The following SGK3 variants were observed in gnomAD, a reference collection of about 807,000 sequenced individuals.
The protein encoded by SGK3 is serine/threonine-protein kinase Sgk3.
Under a neutral mutation model 68.5 loss-of-function variants are expected in SGK3, and 47 were observed. That is an observed-to-expected ratio of 0.69 (90% CI 0.54 to 0.87). The LOEUF (loss-of-function observed/expected upper bound fraction) is 0.87, where lower values mean the gene tolerates loss of function less well. Among genes scored for constraint, SGK3 ranks in the 40% least tolerant of loss-of-function variants. The pLI, the probability that SGK3 is intolerant of heterozygous loss-of-function variation, is 0.00. For synonymous variants in SGK3, 181 were observed against 189.1 expected, an observed-to-expected ratio of 0.96 and a Z score of 0.35; for missense variants, 479 against 575.5, an observed-to-expected ratio of 0.83 and a Z score of 1.72.
At chr8:66,722,343 C>T (rs534817077) in intron 1 of SGK3, among the ~76,000 whole-genome samples, 1 of 152,300 alleles carries the variant, frequency 6.6e-6, no homozygotes, top group Non-Finnish European at 1.5e-5. Flanking sequence ...AGTGCAGCGG[C>T]GCGATCTTGG....
chr8:66,736,405 T>C (rs1352838349), intron 1 of SGK3, among the ~76,000 whole-genome samples: 1 of 152,132 alleles, frequency 6.6e-6, no homozygotes, highest in African/African-American at 2.4e-5. Context: ...TATATGCAAA[T>C]ACTGTTTTAT....
chr8:66,753,858 CT>C (rs1805900635), intron 1 of SGK3, among the ~76,000 whole-genome samples: 1 of 152,134 alleles, frequency 6.6e-6, no homozygotes, highest in Non-Finnish European at 1.5e-5. Flanking sequence ...TGATCTCCCC[CT>C]CTCCATACCT....
chr8:66,832,730 C>A (rs1481753586), intron 8 of SGK3, among the ~76,000 whole-genome samples: 3 of 150,572 alleles, frequency 2.0e-5, no homozygotes, highest in African/African-American at 7.3e-5. Flanking sequence ...CATAGCAAGA[C>A]CCCATCTCAA....
At chr8:66,757,368 G>A (rs758761746) in intron 1 of SGK3, among the ~76,000 whole-genome samples, 1 of 151,440 alleles carries the variant, frequency 6.6e-6, no homozygotes, top group Non-Finnish European at 1.5e-5. Flanking sequence ...CGAACTCCTG[G>A]GGTCAAGTGA....
chr8:66,846,106 G>C (rs1417330168), intron 14 of SGK3, among the ~76,000 whole-genome samples: 1 of 151,368 alleles, frequency 6.6e-6, no homozygotes, highest in Non-Finnish European at 1.5e-5. Context: ...TTTTGTTTTT[G>C]TTTTTTAAAA....
intron 1 of SGK3, among the ~76,000 whole-genome samples, chr8:66,781,255 C>T (rs1490768113): frequency 6.6e-5 from 10 of 152,208 alleles, no homozygotes; most frequent in African/African-American, 2.4e-4. Flanking sequence ...GCTGCCACTG[C>T]TACCATCTCT....
chr8:66,781,371 G>A (rs1806969577), intron 1 of SGK3, among the ~76,000 whole-genome samples: 1 of 152,126 alleles, frequency 6.6e-6, no homozygotes, highest in Admixed American at 6.6e-5. Context: ...TTAAAGAGAC[G>A]GGGTCTAGCT....
At chr8:66,729,934 TG>T (rs1585639389) in intron 1 of SGK3, among the ~76,000 whole-genome samples, 1 of 152,006 alleles carries the variant, frequency 6.6e-6, no homozygotes, top group South Asian at 2.1e-4. Flanking sequence ...TTAGTGGAGA[TG>T]GGGTTTCACC....
intron 1 of SGK3, among the ~76,000 whole-genome samples, chr8:66,751,358 A>T (rs1300707905): frequency 6.6e-6 from 1 of 152,172 alleles, no homozygotes; most frequent in Non-Finnish European, 1.5e-5. Context: ...TTCTGTACAT[A>T]TATTTTCAGA....
intron 1 of SGK3, among the ~76,000 whole-genome samples, chr8:66,726,069 G>A (rs1393621326): frequency 5.3e-5 from 8 of 152,134 alleles, no homozygotes; most frequent in Non-Finnish European, 1.0e-4. Context: ...CCCTTTTCAA[G>A]TTGTACACGC....
rs1170404344 is a variant in SGK3 at position 66,736,458 on chromosome 8, A to AAT, written c.-122+23636_-122+23637dup. ...TGCTCAATAAATGTCAGTAATTAAT[A>AAT]ATATATATATATTTTTTGAGACAAG... On this transcript the variant is annotated intron_variant, in intron 1 of 16. Transcript: ENST00000521198. Among the ~76,000 whole-genome samples, 161 of 151,862 alleles carry AAT rather than the reference A, an allele frequency of 1.1e-3. No individual in the cohort carries two copies. The Middle Eastern group carries it at 0.017, about 16-fold the overall frequency.
At chr8:66,792,473 A>G (rs1355204357) in intron 1 of SGK3, among the ~76,000 whole-genome samples, 1 of 152,198 alleles carries the variant, frequency 6.6e-6, no homozygotes, top group Non-Finnish European at 1.5e-5. Flanking sequence ...CTGCTGATAT[A>G]TATTTTAAAT....
In SGK3 at chr8:66,840,014, C is replaced by T; in HGVS notation, c.753C>T (p.His251=). ...AACCAATTTGACAGCTTTTTTTCCA[C>T]TTACAAAGAGAACGGTCCTTTCCTG... ...DFVNGGELFF[H]LQRERSFPEH... Residue 251 remains histidine (H), a synonymous_variant, in exon 11 of 17, where the codon CAC becomes CAT. Coordinates refer to ENST00000521198, the MANE Select transcript of SGK3 (RefSeq NM_001033578.3). 6.2e-7 allele frequency: 1 copy of T among 1,612,732 alleles called. No individual in the cohort carries two copies. Among genetic ancestry groups the T allele is most frequent in the Non-Finnish European group, 8.5e-7 (1 of 1,179,432 alleles).
At chr8:66,781,354 T>C (rs931852003) in intron 1 of SGK3, among the ~76,000 whole-genome samples, 35 of 152,178 alleles carry the variant, frequency 2.3e-4, no homozygotes, top group African/African-American at 8.4e-4. Context: ...ATTTTGTTTT[T>C]TTGTTTTTAA....
chr8:66,775,041 C>T (rs1199389305), intron 1 of SGK3: 1 of 152,398 alleles, frequency 6.6e-6, no homozygotes, highest in Non-Finnish European at 1.5e-5. Flanking sequence ...CGCTTATTTA[C>T]TTAATTAAGG....
chr8:66,835,533 C>T (rs1463918621), intron 8 of SGK3, among the ~76,000 whole-genome samples: 1 of 152,108 alleles, frequency 6.6e-6, no homozygotes, highest in East Asian at 1.9e-4. Context: ...ACTTCTCAAG[C>T]AGTGTAGATT....
At chr8:66,827,721 G>A (rs930989743) in intron 6 of SGK3, among the ~76,000 whole-genome samples, 2 of 152,062 alleles carry the variant, frequency 1.3e-5, no homozygotes, top group Non-Finnish European at 2.9e-5. Flanking sequence ...TAGCATACTA[G>A]GTAAATAAAG....
intron 1 of SGK3, among the ~76,000 whole-genome samples, chr8:66,749,167 T>C (rs1649560874): frequency 6.6e-6 from 1 of 152,212 alleles, no homozygotes; most frequent in African/African-American, 2.4e-5. Flanking sequence ...CAGAAAGTTA[T>C]TCAGTCAATA....
At chr8:66,717,607 C>T (rs1041955346) in intron 1 of SGK3, among the ~76,000 whole-genome samples, 3 of 152,204 alleles carry the variant, frequency 2.0e-5, no homozygotes, top group African/African-American at 7.2e-5. Context: ...AGCCAGTCTA[C>T]AGACTGCTGA....
Sources: gnomAD v4.1 joint callset for allele counts (sites outside exome capture counted in the v4.1 genomes callset) on GRCh38, gnomAD v4.1.1 for gene constraint, MANE v1.5 for transcripts, NCBI Gene and HGNC (gene_info 2026-07-23, HGNC 2026-07-21) for gene names.